SEMA5A: variants seen among roughly 807,000 people sequenced by gnomAD.
SEMA5A encodes semaphorin 5A.
SEMA5A carries 55 observed loss-of-function variants against 135.5 expected under a neutral mutation model. The ratio of observed to expected loss-of-function variants is 0.41; its 90% CI spans 0.33 to 0.51. The LOEUF is 0.51. Ranked by LOEUF, SEMA5A falls within the 20% of genes least tolerant of loss-of-function variation. The pLI is 0.37. For missense variants in SEMA5A, 1,290 were observed against 1,419.9 expected (o/e 0.91, Z 1.47); for synonymous variants, 580 against 546.5 (o/e 1.06, Z -0.85).
At chr5:9,300,700 T>G (rs1038970829) in intron 5 of SEMA5A, among the ~76,000 whole-genome samples, 1 of 152,172 alleles carries the variant, frequency 6.6e-6, no homozygotes, top group Non-Finnish European at 1.5e-5. Flanking sequence ...CAAGATGACA[T>G]CATCCTGGAT....
At position 9,197,323 on chromosome 5, in the gene SEMA5A, G is replaced by GAGC. The variant is rs1745448516; in HGVS notation, c.933-21_933-20insGCT. The GAGC allele has an allele frequency of 2.0e-6, 3 of 1,518,766 alleles. No individual in the cohort carries two copies. The East Asian group carries it at 7.2e-5, about 37-fold the overall frequency. 94.1% of individuals were successfully genotyped at this position (1,518,766 alleles called of 1,614,324 possible). A position where few individuals can be genotyped will look rare whatever the true frequency, so the allele number is the denominator to read the frequency against. On this transcript the variant is annotated intron_variant, in intron 9 of 22. Transcript: ENST00000382496. ...CTGTTCCTGGGAGCGGAGGGAGAGA[G>GAGC]AGAAGGCAGTCAGAGAGCTCGGCAG...
intron 5 of SEMA5A, among the ~76,000 whole-genome samples, chr5:9,276,204 A>G (rs1474888461): frequency 6.6e-6 from 1 of 152,214 alleles, no homozygotes; most frequent in Admixed American, 6.5e-5. Flanking sequence ...GTGAACTCCC[A>G]TTCACAATTG....
At chr5:9,319,621 A>T (rs76882833) in intron 4 of SEMA5A, among the ~76,000 whole-genome samples, 1 of 152,110 alleles carries the variant, frequency 6.6e-6, no homozygotes, top group African/African-American at 2.4e-5. Flanking sequence ...CCCAAAGAGG[A>T]AGGGAGGAGA....
chr5:9,276,024 T>C lies in SEMA5A; in HGVS notation c.271-38134A>G, dbSNP rs919471441. Among the ~76,000 whole-genome samples, 4 of 152,322 alleles carry C rather than the reference T, an allele frequency of 2.6e-5. No individual in the cohort carries two copies. In the South Asian group the frequency reaches 8.3e-4, roughly 32 times the overall value. On this transcript the variant is annotated intron_variant, in intron 5 of 22. Transcript: ENST00000382496. ...TAGGAAAACAGGAAGTCAAATTGTC[T>C]CTGTTTGCAGATGATATGATTGCAT...
At chr5:9,419,989 T>G (rs1757409982) in intron 2 of SEMA5A, among the ~76,000 whole-genome samples, 1 of 152,180 alleles carries the variant, frequency 6.6e-6, no homozygotes, top group African/African-American at 2.4e-5. Flanking sequence ...GGTTTCAGGA[T>G]GTGTACTGTT....
At chr5:9,228,946 T>C (rs968926243) in intron 6 of SEMA5A, among the ~76,000 whole-genome samples, 3 of 152,162 alleles carry the variant, frequency 2.0e-5, no homozygotes, top group African/African-American at 7.2e-5. Context: ...CGGAAATGCA[T>C]AGTGCTAATT....
intron 3 of SEMA5A, among the ~76,000 whole-genome samples, chr5:9,345,266 G>T (rs897467090): frequency 5.3e-5 from 8 of 152,070 alleles, no homozygotes; most frequent in Non-Finnish European, 1.0e-4. Context: ...TGTTTCTTTA[G>T]TTGTTCTATA....
At chr5:9,070,716 G>T (rs1307974617) in intron 16 of SEMA5A, among the ~76,000 whole-genome samples, 1 of 152,188 alleles carries the variant, frequency 6.6e-6, no homozygotes, top group Admixed American at 6.5e-5. Context: ...TCCAACAACA[G>T]TCTGTTCTTA....
At chr5:9,277,051 G>T (rs1031533508) in intron 5 of SEMA5A, among the ~76,000 whole-genome samples, 7 of 152,060 alleles carry the variant, frequency 4.6e-5, no homozygotes, top group African/African-American at 1.7e-4. Flanking sequence ...GAAAATTTTT[G>T]CAATCTATCC....
At chr5:9,332,026 A>G (rs1438005006) in intron 4 of SEMA5A, among the ~76,000 whole-genome samples, 1 of 152,220 alleles carries the variant, frequency 6.6e-6, no homozygotes, top group Non-Finnish European at 1.5e-5. Context: ...TCAGGCAGCT[A>G]TGGGCTGATA....
chr5:9,181,334 C>A (rs967851442), intron 11 of SEMA5A, among the ~76,000 whole-genome samples: 1 of 152,140 alleles, frequency 6.6e-6, no homozygotes, highest in African/African-American at 2.4e-5. Context: ...ATTGCATGTG[C>A]CAAAACCCCA....
intron 5 of SEMA5A, among the ~76,000 whole-genome samples, chr5:9,243,914 AT>A (rs1748343603): frequency 6.6e-6 from 1 of 152,176 alleles, no homozygotes; most frequent in African/African-American, 2.4e-5. Flanking sequence ...AGAAAAATAC[AT>A]ATCTGAAGCA....
chr5:9,389,471 C>G (rs1161331672), intron 2 of SEMA5A, among the ~76,000 whole-genome samples: 1 of 152,216 alleles, frequency 6.6e-6, no homozygotes, highest in African/African-American at 2.4e-5. Context: ...CATCAGCTGT[C>G]TCCCTTGCGT....
At chr5:9,054,364 A>C in intron 18 of SEMA5A, 107 bp from the exon 19 acceptor site, 2 of 1,392,792 alleles carry the variant, frequency 1.4e-6, no homozygotes, top group Non-Finnish European at 1.9e-6. Flanking sequence ...GGGAAACAAA[A>C]TGGAATCTGC....
intron 4 of SEMA5A, among the ~76,000 whole-genome samples, chr5:9,320,401 A>T (rs1418113171): frequency 1.3e-5 from 2 of 152,194 alleles, no homozygotes; most frequent in Non-Finnish European, 2.9e-5. Flanking sequence ...GTGCCATGAG[A>T]AGACTAGGAC....
chr5:9,217,904 T>A (rs1229656168), intron 8 of SEMA5A, among the ~76,000 whole-genome samples: 1 of 152,212 alleles, frequency 6.6e-6, no homozygotes, highest in East Asian at 1.9e-4. Flanking sequence ...TTTATTATAA[T>A]CCTTATTTTC....
intron 2 of SEMA5A, among the ~76,000 whole-genome samples, chr5:9,421,735 C>G (rs148157861): frequency 6.6e-6 from 1 of 152,246 alleles, no homozygotes; most frequent in East Asian, 1.9e-4. Context: ...AGAATGATAT[C>G]TCATTTGAAT....
At chr5:9,120,919 C>T (rs1740782971) in intron 14 of SEMA5A, among the ~76,000 whole-genome samples, 1 of 152,004 alleles carries the variant, frequency 6.6e-6, no homozygotes, top group Admixed American at 6.6e-5. Context: ...GCTGGGATTA[C>T]AGGCATGTGC....
chr5:9,162,898 AC>A (rs1743372976), intron 11 of SEMA5A, among the ~76,000 whole-genome samples: 1 of 152,122 alleles, frequency 6.6e-6, no homozygotes, highest in Non-Finnish European at 1.5e-5. Flanking sequence ...TCCTGTTCAT[AC>A]GGATCAAGAG....
Sources: gnomAD v4.1 joint callset for allele counts (sites outside exome capture counted in the v4.1 genomes callset) on GRCh38, gnomAD v4.1.1 for gene constraint, MANE v1.5 for transcripts, NCBI Gene and HGNC (gene_info 2026-07-23, HGNC 2026-07-21) for gene names.